NUDCD1: variants seen among roughly 807,000 people sequenced by gnomAD.
The protein encoded by NUDCD1 is NudC domain containing 1, also known as nudC domain-containing protein 1.
In NUDCD1, 60 loss-of-function variants were observed where a neutral mutation model predicts 67.8. The ratio of observed to expected loss-of-function variants is 0.88; its 90% CI spans 0.72 to 1.10. The LOEUF is 1.10. Among genes scored for constraint, NUDCD1 ranks in the 50% least tolerant of loss-of-function variants. The probability of loss-of-function intolerance (pLI) is 0.00; values close to 1 mark genes in which losing one functional copy is unlikely to be tolerated. For synonymous variants in NUDCD1, 244 were observed against 230.8 expected, an observed-to-expected ratio of 1.06 and a Z score of -0.52; for missense variants, 643 against 695.0, an observed-to-expected ratio of 0.93 and a Z score of 0.84.
chr8:109,308,108 C>A (rs190222599), intron 2 of NUDCD1, among the ~76,000 whole-genome samples: 2 of 152,174 alleles, frequency 1.3e-5, no homozygotes, highest in Admixed American at 6.5e-5. Context: ...TTAAACTATA[C>A]CCTGGAACAA....
chr8:109,308,242 T>C (rs1815157891), intron 2 of NUDCD1, among the ~76,000 whole-genome samples: 1 of 152,098 alleles, frequency 6.6e-6, no homozygotes. Context: ...GGTCAAAAAA[T>C]GAAATCAAGA....
chr8:109,276,544 A>G (rs540164062), intron 6 of NUDCD1, among the ~76,000 whole-genome samples: 2 of 152,318 alleles, frequency 1.3e-5, no homozygotes, highest in South Asian at 4.1e-4. Flanking sequence ...TATGAATTAC[A>G]GCATTTAACA....
At chr8:109,270,823 C>T (rs1814134925) in intron 8 of NUDCD1, among the ~76,000 whole-genome samples, 182 bp downstream of exon 8, 1 of 151,884 alleles carries the variant, frequency 6.6e-6, no homozygotes, top group African/African-American at 2.4e-5. Context: ...TACAGTGGTA[C>T]CAAAACTATA....
intron 1 of NUDCD1, chr8:109,329,974 G>C (rs1815769165): frequency 6.2e-6 from 8 of 1,285,232 alleles, no homozygotes; most frequent in Non-Finnish European, 7.0e-6. Flanking sequence ...CTATAGTGTA[G>C]ATTCTGACTA....
chr8:109,330,615 A>G (rs1046253568), intron 1 of NUDCD1, among the ~76,000 whole-genome samples: 1 of 152,190 alleles, frequency 6.6e-6, no homozygotes, highest in Non-Finnish European at 1.5e-5. Context: ...CAACCTCCAC[A>G]GAGTCTGAGG....
chr8:109,333,987 G>C lies in NUDCD1; in HGVS notation c.24C>G (p.Ser8=), dbSNP rs759554162. 6.2e-7 allele frequency: 1 copy of C among 1,614,178 alleles called. No homozygotes were observed. Among genetic ancestry groups the C allele is most frequent in the South Asian group, 1.1e-5 (1 of 91,086 alleles). Residue 8 remains serine (S), a synonymous_variant, in exon 1 of 10, where the codon TCC becomes TCG. Transcript: ENST00000239690. ...CCAACAGAGGTCTCTTCACCCGTAGGGAGCAATTAGCCGCCACCTCCATCG... is the reference window on the plus strand; with the variant it reads ...CCAACAGAGGTCTCTTCACCCGTAGCGAGCAATTAGCCGCCACCTCCATCG... The part of the protein sequence containing the change: MEVAANC[S]LRVKRPLLDP...
intron 7 of NUDCD1, among the ~76,000 whole-genome samples, chr8:109,272,364 AACAC>A (rs5893949): frequency 3.2e-4 from 48 of 150,286 alleles, no homozygotes; most frequent in East Asian, 1.8e-3. Context: ...GAACCACTAA[AACAC>A]ACACACACAC....
intron 5 of NUDCD1, among the ~76,000 whole-genome samples, chr8:109,286,439 A>T (rs1814576365): frequency 6.6e-6 from 1 of 152,012 alleles, no homozygotes; most frequent in Admixed American, 6.6e-5. Flanking sequence ...GTACAAAAAC[A>T]GATACACAGA....
rs58089818 is a variant in NUDCD1, at chr8:109,283,989, T to TAAA, written c.824-2820_824-2818dup. Among the ~76,000 whole-genome samples the TAAA allele has an allele frequency of 3.1e-4, 41 of 133,170 alleles. 1 individual carries two copies. Among genetic ancestry groups the TAAA allele is most frequent in the Non-Finnish European group, 4.7e-4 (29 of 61,604 alleles). The allele number at this position is 133,170 out of a possible 152,430, so 87.4% of individuals were successfully genotyped here. On this transcript the variant is annotated intron_variant, in intron 5 of 9. Coordinates refer to ENST00000239690, the MANE Select transcript of NUDCD1 (RefSeq NM_032869.4). ...AAAGGCACAGAGTAGAAAGCTGGAT[T>TAAA]AAAAAAAAAAAAAAAAAACAAAACA...
intron 8 of NUDCD1, among the ~76,000 whole-genome samples, chr8:109,262,406 A>G (rs1034531948): frequency 6.6e-6 from 1 of 152,204 alleles, no homozygotes; most frequent in Non-Finnish European, 1.5e-5. Context: ...TCTACAGCCA[A>G]GTCAAACCAG....
At chr8:109,263,981 TGAGA>T (rs1813930020) in intron 8 of NUDCD1, among the ~76,000 whole-genome samples, 1 of 152,202 alleles carries the variant, frequency 6.6e-6, no homozygotes, top group African/African-American at 2.4e-5. Flanking sequence ...AAAATGTCCT[TGAGA>T]AAGAAGTCAA....
Position 109,245,474 on chromosome 8 carries a change from A to G in NUDCD1, c.1307T>C (p.Leu436Pro). The G allele has an allele frequency of 1.2e-6, 2 of 1,602,772 alleles. No homozygotes were observed. Among genetic ancestry groups the G allele is most frequent in the South Asian group, 1.1e-5 (1 of 88,124 alleles). Residue 436 changes from leucine (L) to proline (P), a missense_variant, in exon 9 of 10, where the codon CTT becomes CCT. Coordinates refer to ENST00000239690, the MANE Select transcript of NUDCD1 (RefSeq NM_032869.4). ...NTLKTTHVVN[L>P]GSNQYLFSVI... ...AGAGAAAAGGTACTGGTTGCTTCCA[A>G]GATTCACCTAAAAAGTGATTTAAAA...
intron 2 of NUDCD1, among the ~76,000 whole-genome samples, chr8:109,302,785 G>A (rs1307883297): frequency 2.6e-5 from 4 of 152,054 alleles, no homozygotes; most frequent in African/African-American, 7.2e-5. Context: ...ACCCTCAGAC[G>A]CTTTACCGCC....
At chr8:109,314,723 C>G (rs1563682522) in intron 2 of NUDCD1, among the ~76,000 whole-genome samples, 1 of 151,700 alleles carries the variant, frequency 6.6e-6, no homozygotes, top group Non-Finnish European at 1.5e-5. Context: ...ATGCCTGGGT[C>G]AATATAGATG....
chr8:109,270,282 TA>T, intron 8 of NUDCD1, among the ~76,000 whole-genome samples: 1 of 148,624 alleles, frequency 6.7e-6, no homozygotes, highest in South Asian at 2.1e-4. Flanking sequence ...CTAAGACAAA[TA>T]AAAACTTCAC....
chr8:109,302,416 C>A (rs1042414489), intron 2 of NUDCD1, among the ~76,000 whole-genome samples: 1 of 152,030 alleles, frequency 6.6e-6, no homozygotes. Context: ...TCAGTCTCCA[C>A]CCCAAGCTCT....
At chr8:109,268,207 TGAG>T (rs1408345922) in intron 8 of NUDCD1, among the ~76,000 whole-genome samples, 1 of 152,132 alleles carries the variant, frequency 6.6e-6, no homozygotes, top group African/African-American at 2.4e-5. Context: ...TATAAATTCC[TGAG>T]GAGTGAAGTC....
At chr8:109,313,645 T>C (rs1288728977) in intron 2 of NUDCD1, among the ~76,000 whole-genome samples, 1 of 152,202 alleles carries the variant, frequency 6.6e-6, no homozygotes, top group East Asian at 1.9e-4. Flanking sequence ...TATTTCAAAG[T>C]AAAGGTTTCT....
intron 3 of NUDCD1, 57 bp downstream of exon 3, chr8:109,296,327 A>C (rs1814840553): frequency 7.7e-7 from 1 of 1,302,812 alleles, no homozygotes. Flanking sequence ...TAAAATAAGT[A>C]GGGTGTAATT....
Sources: allele counts gnomAD v4.1 joint callset (sites outside exome capture counted in the v4.1 genomes callset), GRCh38; gene constraint gnomAD v4.1.1; transcripts MANE v1.5; gene names NCBI Gene and HGNC (gene_info 2026-07-23, HGNC 2026-07-21).